Variants in ADGRB3 observed in about 807,000 individuals in gnomAD.
ADGRB3 encodes the protein brain-specific angiogenesis inhibitor 3.
A neutral mutation model predicts 193.4 loss-of-function variants in ADGRB3; 37 were observed. That is an observed-to-expected ratio of 0.19 (90% CI 0.15 to 0.25). The LOEUF is 0.25. Ranked by LOEUF, ADGRB3 falls within the 10% of genes least tolerant of loss-of-function variation. ADGRB3 has a pLI of 1.00. For missense variants in ADGRB3, 1,637 were observed against 1,852.9 expected (o/e 0.88, Z 2.14); for synonymous variants, 690 against 644.2 (o/e 1.07, Z -1.08).
chr6:69,321,744 A>C (rs1284882023), intron 20 of ADGRB3, among the ~76,000 whole-genome samples: 1 of 151,836 alleles, frequency 6.6e-6, no homozygotes, highest in East Asian at 1.9e-4. Context: ...GAAAATAATA[A>C]AGTTCATTTG....
intron 17 of ADGRB3, among the ~76,000 whole-genome samples, chr6:69,088,856 G>A (rs1772627095): frequency 6.6e-6 from 1 of 152,222 alleles, no homozygotes; most frequent in Non-Finnish European, 1.5e-5. Context: ...GAATAATAAT[G>A]TGCTAAGCTG....
At chr6:68,827,693 G>A (rs1282319176) in intron 3 of ADGRB3, among the ~76,000 whole-genome samples, 1 of 152,010 alleles carries the variant, frequency 6.6e-6, no homozygotes, top group Non-Finnish European at 1.5e-5. Flanking sequence ...TATAGTTGTG[G>A]TTTGGGCTTT....
chr6:69,237,380 A>C (rs1435967213), intron 19 of ADGRB3, among the ~76,000 whole-genome samples: 1 of 152,046 alleles, frequency 6.6e-6, no homozygotes, highest in Non-Finnish European at 1.5e-5. Context: ...AATGTTCACC[A>C]AAAATTTAAT....
intron 20 of ADGRB3, among the ~76,000 whole-genome samples, chr6:69,315,895 T>C (rs768392710): frequency 6.2e-4 from 94 of 151,552 alleles, no homozygotes; most frequent in Non-Finnish European, 1.1e-3. Flanking sequence ...GATTTCTTCA[T>C]AAATACTGTA....
rs552300499 is a variant in ADGRB3, at chr6:69,235,745, A to G, written c.2711+610A>G. Among the ~76,000 whole-genome samples, 412 of 152,104 alleles carry G rather than the reference A, an allele frequency of 2.7e-3. 1 individual carries two copies. Among genetic ancestry groups the G allele is most frequent in the African/African-American group, 9.4e-3 (391 of 41,548 alleles). On this transcript the variant is annotated intron_variant, in intron 19 of 31. Coordinates refer to ENST00000370598, the MANE Select transcript of ADGRB3 (RefSeq NM_001704.3). ...AGTTATTGAAAAATTTTTTTCTACA[A>G]TAGTTGAAATCACATCTACTGATAT...
chr6:68,991,807 T>A (rs945683266), intron 10 of ADGRB3, among the ~76,000 whole-genome samples: 2 of 152,156 alleles, frequency 1.3e-5, no homozygotes, highest in African/African-American at 2.4e-5. Flanking sequence ...TTAAGAAAAT[T>A]ACTTTTAAAA....
chr6:68,806,889 T>G (rs1381139263), intron 3 of ADGRB3, among the ~76,000 whole-genome samples: 1 of 152,144 alleles, frequency 6.6e-6, no homozygotes, highest in Non-Finnish European at 1.5e-5. Flanking sequence ...AGCATTCATA[T>G]TGTTACACAG....
At chr6:68,764,585 A>G (rs1766472629) in intron 3 of ADGRB3, among the ~76,000 whole-genome samples, 1 of 152,204 alleles carries the variant, frequency 6.6e-6, no homozygotes, top group Admixed American at 6.5e-5. Context: ...AGCACCAGTA[A>G]AAGAAAATAT....
At chr6:68,689,212 G>C (rs565348418) in intron 3 of ADGRB3, among the ~76,000 whole-genome samples, 2 of 152,142 alleles carry the variant, frequency 1.3e-5, no homozygotes, top group Non-Finnish European at 2.9e-5. Flanking sequence ...AGCTTGAAGA[G>C]AGCTCAGGGT....
intron 17 of ADGRB3, among the ~76,000 whole-genome samples, chr6:69,186,479 C>G (rs760889699): frequency 6.6e-6 from 1 of 150,960 alleles, no homozygotes; most frequent in African/African-American, 2.4e-5. Flanking sequence ...AAGTATAGAA[C>G]GAGAATACAA....
At chr6:69,130,496 A>G (rs1204914730) in intron 17 of ADGRB3, among the ~76,000 whole-genome samples, 2 of 150,286 alleles carry the variant, frequency 1.3e-5, no homozygotes, top group Admixed American at 1.3e-4. Flanking sequence ...GGAGGATGCT[A>G]TTTTGAATTG....
intron 3 of ADGRB3, among the ~76,000 whole-genome samples, chr6:68,739,261 G>A (rs1467317999): frequency 6.6e-6 from 1 of 152,126 alleles, no homozygotes; most frequent in Non-Finnish European, 1.5e-5. Flanking sequence ...AAAGATCTTT[G>A]TAGGAATTTT....
At chr6:68,771,795 G>A (rs1766623293) in intron 3 of ADGRB3, among the ~76,000 whole-genome samples, 2 of 152,086 alleles carry the variant, frequency 1.3e-5, no homozygotes, top group African/African-American at 4.8e-5. Context: ...GGGGTTTTCT[G>A]ATCATCTTCT....
chr6:68,873,469 A>G (rs775118357), intron 3 of ADGRB3, among the ~76,000 whole-genome samples: 4 of 152,184 alleles, frequency 2.6e-5, no homozygotes, highest in Non-Finnish European at 1.5e-5. Context: ...AAAATTTAAT[A>G]TAACAGATGT....
chr6:68,994,411 A>T (rs1009645427), intron 11 of ADGRB3, among the ~76,000 whole-genome samples: 11 of 152,194 alleles, frequency 7.2e-5, no homozygotes, highest in Middle Eastern at 3.2e-3. Flanking sequence ...AACATATTTA[A>T]TTTTATCAAA....
intron 29 of ADGRB3, 101 bp downstream of exon 29, chr6:69,361,613 G>A: frequency 1.5e-6 from 2 of 1,331,892 alleles, no homozygotes; most frequent in Non-Finnish European, 2.0e-6. Flanking sequence ...TGACACTGGT[G>A]TGGGAAGAGA....
chr6:68,695,126 T>A (rs1689465293), intron 3 of ADGRB3, among the ~76,000 whole-genome samples: 2 of 152,012 alleles, frequency 1.3e-5, no homozygotes, highest in Admixed American at 1.3e-4. Context: ...TTTAATTATT[T>A]TAATTTAAAT....
At chr6:69,101,491 T>C (rs1773055093) in intron 17 of ADGRB3, among the ~76,000 whole-genome samples, 1 of 137,922 alleles carries the variant, frequency 7.3e-6, no homozygotes, top group Admixed American at 7.3e-5. Flanking sequence ...AAAAGGAGAA[T>C]ACAAGAAGCT....
At chr6:68,712,814 G>A (rs1226431693) in intron 3 of ADGRB3, among the ~76,000 whole-genome samples, 1 of 151,922 alleles carries the variant, frequency 6.6e-6, no homozygotes, top group Admixed American at 6.6e-5. Flanking sequence ...TTGCTTACTT[G>A]AAAGTAGTGT....
Sources: allele counts gnomAD v4.1 joint callset (sites outside exome capture counted in the v4.1 genomes callset), GRCh38; gene constraint gnomAD v4.1.1; transcripts MANE v1.5; gene names NCBI Gene and HGNC (gene_info 2026-07-23, HGNC 2026-07-21).